Variants in ANKRD11 observed in about 807,000 individuals in gnomAD.
The protein encoded by ANKRD11 is ankyrin repeat domain 11, also known as ankyrin repeat domain-containing protein 11.
Under a neutral mutation model 195.7 loss-of-function variants are expected in ANKRD11, and 17 were observed. The ratio of observed to expected loss-of-function variants is 0.09; its 90% CI spans 0.06 to 0.13. ANKRD11 has a LOEUF of 0.13. Among genes scored for constraint, ANKRD11 ranks in the 10% least tolerant of loss-of-function variants. The pLI is 1.00. For missense variants in ANKRD11, 3,735 were observed against 3,566.1 expected, an observed-to-expected ratio of 1.05 and a Z score of -1.21; for synonymous variants, 1,953 against 1,528.1, an observed-to-expected ratio of 1.28 and a Z score of -6.49.
chr16:89,327,714 T>G (rs2037810607), intron 2 of ANKRD11, among the ~76,000 whole-genome samples: 2 of 138,296 alleles, frequency 1.4e-5, no homozygotes, highest in African/African-American at 5.4e-5. Context: ...ATAAAGACAG[T>G]ACCATTTATA....
intron 1 of ANKRD11, among the ~76,000 whole-genome samples, chr16:89,486,824 G>A (rs1289354391): frequency 6.6e-6 from 1 of 152,004 alleles, no homozygotes; most frequent in Non-Finnish European, 1.5e-5. Flanking sequence ...TGGCCAACAT[G>A]GTGAAACTCC....
chr16:89,390,971 G>T (rs1478900658), intron 2 of ANKRD11, among the ~76,000 whole-genome samples: 9 of 152,198 alleles, frequency 5.9e-5, no homozygotes, highest in Admixed American at 5.9e-4. Context: ...GCTCACGCCT[G>T]TAATCACAGC....
At chr16:89,433,761 C>CG (rs2043098756) in intron 1 of ANKRD11, among the ~76,000 whole-genome samples, 1 of 151,662 alleles carries the variant, frequency 6.6e-6, no homozygotes, top group African/African-American at 2.4e-5. Context: ...GGGCTGGGCA[C>CG]GCCACCTTCA....
In ANKRD11 at chr16:89,280,047, C is replaced by G. The variant is rs759281274; in HGVS notation, c.6495G>C (p.Glu2165Asp). The G allele has an allele frequency of 1.2e-6, 2 of 1,612,950 alleles. No homozygotes were observed. Among genetic ancestry groups the G allele is most frequent in the South Asian group, 2.2e-5 (2 of 91,088 alleles). Residue 2165 changes from glutamate (E) to aspartate (D), a missense_variant, in exon 9 of 13, where the codon GAG (glutamate) becomes GAC (aspartate). By Grantham distance (45) the Glu-to-Asp change is conservative. Coordinates refer to ENST00000301030, the MANE Select transcript of ANKRD11 (RefSeq NM_013275.6). ...TGACCCCGGGGGCCCCTGGAGGCAT[C>G]TCTTCTGGAGGAGCAAGACTTTCTT... ...PVEESLAPPE[E>D]MPPGAPGVIN... is the part of the protein sequence containing the mutation.
chr16:89,441,575 G>T (rs370856867), intron 1 of ANKRD11, among the ~76,000 whole-genome samples: 16 of 151,986 alleles, frequency 1.1e-4, no homozygotes, highest in African/African-American at 3.1e-4. Flanking sequence ...AGACCATCCT[G>T]GCTAACATGG....
intron 7 of ANKRD11, chr16:89,287,350 T>C (rs2034717109): frequency 3.4e-6 from 1 of 297,402 alleles, no homozygotes; most frequent in Non-Finnish European, 6.7e-6. Context: ...AATCTCCCCA[T>C]GTGAGGCACT....
At chr16:89,335,554 T>C (rs1414120969) in intron 2 of ANKRD11, among the ~76,000 whole-genome samples, 1 of 152,206 alleles carries the variant, frequency 6.6e-6, no homozygotes, top group Non-Finnish European at 1.5e-5. Flanking sequence ...GCGTGCTGCC[T>C]CAGGACCCTG....
At chr16:89,484,474 T>G (rs1471560955) in intron 1 of ANKRD11, among the ~76,000 whole-genome samples, 1 of 152,110 alleles carries the variant, frequency 6.6e-6, no homozygotes, top group African/African-American at 2.4e-5. Flanking sequence ...TAGTAAAACC[T>G]CAGGAACCAA....
chr16:89,340,295 T>C (rs926142426), intron 2 of ANKRD11, among the ~76,000 whole-genome samples: 3 of 152,286 alleles, frequency 2.0e-5, no homozygotes, highest in African/African-American at 7.2e-5. Context: ...TTGTTGTTTT[T>C]GAGACGGAGT....
chr16:89,368,377 T>TC (rs2040041379), intron 2 of ANKRD11, among the ~76,000 whole-genome samples: 1 of 126,844 alleles, frequency 7.9e-6, no homozygotes, highest in African/African-American at 3.2e-5. Context: ...TTGTGTTTTT[T>TC]TTTTTTTTTT....
chr16:89,377,930 C>G (rs1051372191), intron 2 of ANKRD11, among the ~76,000 whole-genome samples: 10 of 151,940 alleles, frequency 6.6e-5, no homozygotes, highest in Admixed American at 6.6e-4. Context: ...AGGATGAAGA[C>G]CTTCATGATG....
chr16:89,303,705 A>C (rs1250748960), intron 4 of ANKRD11, among the ~76,000 whole-genome samples: 1 of 152,200 alleles, frequency 6.6e-6, no homozygotes, highest in African/African-American at 2.4e-5. Context: ...CTGTGAGCAC[A>C]TCCCTGGAGC....
intron 1 of ANKRD11, among the ~76,000 whole-genome samples, chr16:89,476,868 C>T (rs977366836): frequency 6.6e-6 from 1 of 152,062 alleles, no homozygotes; most frequent in African/African-American, 2.4e-5. Flanking sequence ...CTTCAGAGTC[C>T]CTCTGGGCAG....
intron 1 of ANKRD11, among the ~76,000 whole-genome samples, chr16:89,462,346 C>T (rs1227012732): frequency 6.6e-6 from 1 of 152,256 alleles, no homozygotes; most frequent in Non-Finnish European, 1.5e-5. Flanking sequence ...GCCGGGATTG[C>T]AGACGGAGTC....
At position 89,482,698 on chromosome 16, in the gene ANKRD11, G is replaced by A. The variant is rs150654740; in HGVS notation, c.-145+7547C>T. Among the ~76,000 whole-genome samples the A allele has an allele frequency of 4.9e-3, 743 of 152,336 alleles. 36 individuals are homozygous for A. Among genetic ancestry groups the A allele is most frequent in the Admixed American group, 0.044 (673 of 15,294 alleles). On this transcript the variant is annotated intron_variant, in intron 1 of 12. Coordinates refer to ENST00000301030, the MANE Select transcript of ANKRD11 (RefSeq NM_013275.6). ...TCCAGCACTGCTGGGGGGCTGAGGC[G>A]GGAGGATTGATTGAGCCCAGGAGGT...
At chr16:89,438,677 T>C (rs2043319629) in intron 1 of ANKRD11, among the ~76,000 whole-genome samples, 1 of 151,936 alleles carries the variant, frequency 6.6e-6, no homozygotes, top group South Asian at 2.1e-4. Context: ...TGATGGACAG[T>C]TTGGAAGGCA....
intron 2 of ANKRD11, among the ~76,000 whole-genome samples, chr16:89,337,429 C>CTATTTTTTTTT (rs2038422910): frequency 1.9e-5 from 1 of 53,118 alleles, no homozygotes; most frequent in Non-Finnish European, 3.2e-5. Flanking sequence ...CTAAGCAATT[C>CTATTTTTTTTT]TTTTTTTTTT....
intron 3 of ANKRD11, among the ~76,000 whole-genome samples, chr16:89,314,383 C>T (rs2036815787): frequency 6.6e-6 from 1 of 152,196 alleles, no homozygotes; most frequent in African/African-American, 2.4e-5. Context: ...ACAGAGCTCG[C>T]ATCGACATTA....
intron 2 of ANKRD11, among the ~76,000 whole-genome samples, chr16:89,391,703 G>A (rs1401388933): frequency 6.6e-6 from 1 of 152,188 alleles, no homozygotes; most frequent in African/African-American, 2.4e-5. Context: ...AGGACAAGCT[G>A]ACAGAGAATC....
Sources: gnomAD v4.1 joint callset for allele counts (sites outside exome capture counted in the v4.1 genomes callset) on GRCh38, gnomAD v4.1.1 for gene constraint, MANE v1.5 for transcripts, NCBI Gene and HGNC (gene_info 2026-07-23, HGNC 2026-07-21) for gene names.